Variants in PDE7A observed in about 807,000 individuals in gnomAD.
The protein encoded by PDE7A is phosphodiesterase 7A.
Under a neutral mutation model 64.3 loss-of-function variants are expected in PDE7A, and 39 were observed. The observed-to-expected ratio is 0.61, with a 90% CI of 0.47 to 0.79. The LOEUF is 0.79. PDE7A is among the 30% of genes least tolerant of loss of function. The probability of loss-of-function intolerance (pLI) is 0.00; values close to 1 mark genes in which losing one functional copy is unlikely to be tolerated. For missense variants in PDE7A, 470 were observed against 582.8 expected (o/e 0.81, Z 1.99); for synonymous variants, 203 against 206.8 (o/e 0.98, Z 0.16).
At position 65,779,801 on chromosome 8, in the gene PDE7A, C is replaced by T; in HGVS notation, c.202G>A (p.Asp68Asn). The change falls in exon 3 of 13, where the codon GAT (aspartate) becomes AAT (asparagine). Residue 68 changes from aspartate to asparagine, a missense_variant and splice_region_variant. Asp to Asn is a conservative substitution (Grantham distance 23). Transcript: ENST00000401827. ...CCTGCTCGGCTCCTTACACGTACAT[C>T]TCCTGGACAGAATCAAGAATAAAAC... ...QTALYIRMLG[D>N]VRVRSRAGFE... is the part of the protein sequence containing the mutation. 6.4e-7 allele frequency: 1 copy of T among 1,572,700 alleles called. No individual in the cohort carries two copies. The highest frequency in any genetic ancestry group is 8.7e-7 in the Non-Finnish European group (1 of 1,148,880).
intron 3 of PDE7A, among the ~76,000 whole-genome samples, chr8:65,750,508 G>GTC (rs1365394491): frequency 1.3e-5 from 2 of 150,334 alleles, no homozygotes; most frequent in East Asian, 4.0e-4. Flanking sequence ...GTGTGTCTGT[G>GTC]TGTGTCTGTG....
chr8:65,821,889 C>A (rs201199346), intron 1 of PDE7A, among the ~76,000 whole-genome samples: 1 of 152,064 alleles, frequency 6.6e-6, no homozygotes, highest in East Asian at 1.9e-4. Context: ...AATATGGCTA[C>A]AACAAAATTT....
chr8:65,822,926 T>G (rs998075528), intron 1 of PDE7A, among the ~76,000 whole-genome samples: 10 of 151,096 alleles, frequency 6.6e-5, no homozygotes, highest in Admixed American at 5.9e-4. Flanking sequence ...GCACTTATTA[T>G]CTTATCTATT....
intron 5 of PDE7A, among the ~76,000 whole-genome samples, chr8:65,740,248 T>C (rs1465335634): frequency 6.6e-6 from 1 of 152,124 alleles, no homozygotes; most frequent in Non-Finnish European, 1.5e-5. Flanking sequence ...AGCAATCATA[T>C]TGTCTTTCCA....
At chr8:65,806,876 CTCAAT>C (rs1276054467) in intron 1 of PDE7A, among the ~76,000 whole-genome samples, 1 of 152,246 alleles carries the variant, frequency 6.6e-6, no homozygotes, top group East Asian at 1.9e-4. Context: ...TTCTTCTACT[CTCAAT>C]TCTATTCCAT....
chr8:65,805,794 GAT>G (rs1204574107), intron 1 of PDE7A, among the ~76,000 whole-genome samples: 1 of 152,140 alleles, frequency 6.6e-6, no homozygotes, highest in Admixed American at 6.5e-5. Flanking sequence ...TGAGAAACTG[GAT>G]ATGTTAGCCG....
At chr8:65,748,075 G>A (rs947943110) in intron 3 of PDE7A, among the ~76,000 whole-genome samples, 2 of 151,058 alleles carry the variant, frequency 1.3e-5, no homozygotes, top group Non-Finnish European at 2.9e-5. Flanking sequence ...ACGAAGACTG[G>A]TGGGATTAAT....
intron 3 of PDE7A, among the ~76,000 whole-genome samples, chr8:65,763,497 G>A (rs914279016): frequency 2.6e-5 from 4 of 151,992 alleles, no homozygotes; most frequent in South Asian, 2.1e-4. Flanking sequence ...CCCAGGAGGC[G>A]AAGGTTGAGG....
chr8:65,755,098 G>T (rs1322374098), intron 3 of PDE7A, among the ~76,000 whole-genome samples: 4 of 143,018 alleles, frequency 2.8e-5, no homozygotes, highest in African/African-American at 7.8e-5. Context: ...TCGGCTCACT[G>T]TAACGTCTGC....
chr8:65,769,926 C>A (rs1299259771), intron 3 of PDE7A, among the ~76,000 whole-genome samples: 1 of 151,994 alleles, frequency 6.6e-6, no homozygotes, highest in African/African-American at 2.4e-5. Context: ...AGAAAAACCC[C>A]ACAAATATGT....
intron 12 of PDE7A, chr8:65,722,832 GTGAC>G (rs1194166608): frequency 7.9e-5 from 12 of 152,228 alleles, no homozygotes; most frequent in Admixed American, 7.9e-4. Flanking sequence ...TAGAAGAAAA[GTGAC>G]TGACTCTGCC....
chr8:65,829,067 A>G (rs1211401192), intron 1 of PDE7A, among the ~76,000 whole-genome samples: 1 of 152,102 alleles, frequency 6.6e-6, no homozygotes, highest in Non-Finnish European at 1.5e-5. Flanking sequence ...TATATTCACT[A>G]TGAAGAATTT....
At chr8:65,801,646 T>C (rs1407689217) in intron 1 of PDE7A, among the ~76,000 whole-genome samples, 2 of 151,846 alleles carry the variant, frequency 1.3e-5, no homozygotes, top group Non-Finnish European at 2.9e-5. Flanking sequence ...AATAAATAAA[T>C]AGAAGTAATA....
chr8:65,788,062 A>G (rs1175172274), intron 1 of PDE7A, among the ~76,000 whole-genome samples: 1 of 152,210 alleles, frequency 6.6e-6, no homozygotes, highest in Non-Finnish European at 1.5e-5. Flanking sequence ...AACGTGGAAA[A>G]TTACATAGCA....
intron 3 of PDE7A, among the ~76,000 whole-genome samples, chr8:65,770,001 A>C (rs926094748): frequency 1.3e-5 from 2 of 152,204 alleles, no homozygotes; most frequent in Admixed American, 6.5e-5. Context: ...ACTCTTAAAA[A>C]TTTTTGTCCA....
At chr8:65,724,205 A>T in intron 11 of PDE7A, 50 bp downstream of exon 11, 1 of 961,050 alleles carries the variant, frequency 1.0e-6, no homozygotes, top group Non-Finnish European at 1.6e-6. Context: ...TTACGATGTT[A>T]AAAAAAAATG....
chr8:65,816,978 T>C (rs756023313), intron 1 of PDE7A, among the ~76,000 whole-genome samples: 12 of 152,238 alleles, frequency 7.9e-5, no homozygotes, highest in Non-Finnish European at 1.2e-4. Context: ...TTTTCACAGA[T>C]TTCTGAGCTC....
chr8:65,786,410 T>A (rs1462304130), intron 1 of PDE7A, among the ~76,000 whole-genome samples: 1 of 152,170 alleles, frequency 6.6e-6, no homozygotes, highest in East Asian at 1.9e-4. Flanking sequence ...AAAATGAATA[T>A]TAAGTTCTCT....
chr8:65,767,480 T>C (rs1314958068), intron 3 of PDE7A, among the ~76,000 whole-genome samples: 2 of 152,180 alleles, frequency 1.3e-5, no homozygotes, highest in Non-Finnish European at 2.9e-5. Context: ...TATTAAAACG[T>C]TGGGTGTGTT....
Sources: gnomAD v4.1 joint callset for allele counts (sites outside exome capture counted in the v4.1 genomes callset) on GRCh38, gnomAD v4.1.1 for gene constraint, MANE v1.5 for transcripts, NCBI Gene and HGNC (gene_info 2026-07-23, HGNC 2026-07-21) for gene names.